Variants in RALGAPA2 observed in about 807,000 individuals in gnomAD.
RALGAPA2 encodes Ral GTPase activating protein catalytic subunit alpha 2.
A neutral mutation model predicts 230.4 loss-of-function variants in RALGAPA2; 139 were observed. That is an observed-to-expected ratio of 0.60 (90% CI 0.53 to 0.69). The LOEUF is 0.69. Among genes scored for constraint, RALGAPA2 ranks in the 30% least tolerant of loss-of-function variants. The pLI is 0.00. For missense variants in RALGAPA2, 2,163 were observed against 2,276.0 expected (o/e 0.95, Z 1.01); for synonymous variants, 847 against 837.8 (o/e 1.01, Z -0.19).
chr20:20,598,624 G>C, intron 16 of RALGAPA2: 1 of 412,536 alleles, frequency 2.4e-6, no homozygotes, highest in South Asian at 1.7e-5. Flanking sequence ...ATGCCCAGAG[G>C]CAAGCGGGAG....
intron 4 of RALGAPA2, among the ~76,000 whole-genome samples, chr20:20,652,867 A>T (rs750630035): frequency 6.6e-6 from 1 of 152,052 alleles, no homozygotes; most frequent in Non-Finnish European, 1.5e-5. Flanking sequence ...AAAGAGAATA[A>T]TTTTCAGTCA....
At chr20:20,578,115 G>T (rs574782999) in intron 20 of RALGAPA2, among the ~76,000 whole-genome samples, 10 of 152,082 alleles carry the variant, frequency 6.6e-5, no homozygotes, top group African/African-American at 9.7e-5. Flanking sequence ...AATTATCAAG[G>T]TACGCTGACT....
At chr20:20,654,782 T>C (rs1167122656) in intron 3 of RALGAPA2, among the ~76,000 whole-genome samples, 1 of 152,208 alleles carries the variant, frequency 6.6e-6, no homozygotes, top group Non-Finnish European at 1.5e-5. Context: ...CTGGGGCATA[T>C]GGTAATTTTA....
intron 31 of RALGAPA2, among the ~76,000 whole-genome samples, chr20:20,517,508 C>T (rs558067765): frequency 3.9e-5 from 6 of 152,248 alleles, no homozygotes; most frequent in Non-Finnish European, 8.8e-5. Context: ...TGGCCTGAAG[C>T]CTGGATCATC....
rs775275375 is a variant in RALGAPA2 at position 20,505,394 on chromosome 20, T to C, written c.5052+17A>G. The C allele has an allele frequency of 3.1e-6, 5 of 1,587,822 alleles. No homozygotes were observed. The highest frequency in any genetic ancestry group is 4.3e-6 in the Non-Finnish European group (5 of 1,167,388). On this transcript the variant is annotated intron_variant, in intron 34 of 39. Transcript: ENST00000202677. ...ACAGTGCTGGTCAATAAACACCTAC[T>C]GAATGAAATGCATTACCTCCCATCC...
rs546693152 is a variant in RALGAPA2 at position 20,489,569 on chromosome 20, A to C, written c.5367+5548T>G. 3.5e-5 allele frequency among the ~76,000 whole-genome samples: 5 copies of C among 143,908 alleles called. No individual in the cohort carries two copies. In the East Asian group the frequency reaches 9.7e-4, roughly 28 times the overall value. 94.4% of individuals were successfully genotyped at this position (143,908 alleles called of 152,430 possible). A position where few individuals can be genotyped will look rare whatever the true frequency, so the allele number is the denominator to read the frequency against. ...GGAGTTGTAATGAAAGTATTCATGA[A>C]AAAAAAAAAAAGAGCAAAAAACCCA... On this transcript the variant is annotated intron_variant, in intron 36 of 39. Transcript: ENST00000202677.
intron 36 of RALGAPA2, among the ~76,000 whole-genome samples, chr20:20,490,893 C>CAG (rs2062035304): frequency 8.0e-5 from 12 of 150,196 alleles, no homozygotes. Context: ...CACACACACA[C>CAG]ACTCACACTC....
intron 2 of RALGAPA2, among the ~76,000 whole-genome samples, chr20:20,677,664 G>A (rs1381746552): frequency 1.6e-5 from 1 of 63,728 alleles, no homozygotes; most frequent in Non-Finnish European, 2.8e-5. Context: ...TTTTTTTTGA[G>A]ATGGAGTCTC....
intron 27 of RALGAPA2, among the ~76,000 whole-genome samples, chr20:20,529,292 A>G (rs2063308731): frequency 6.6e-6 from 1 of 152,066 alleles, no homozygotes; most frequent in Admixed American, 6.6e-5. Context: ...AGGGGGGAGG[A>G]TTCAACAGGA....
At chr20:20,611,634 C>T (rs879374193) in intron 13 of RALGAPA2, among the ~76,000 whole-genome samples, 2 of 152,146 alleles carry the variant, frequency 1.3e-5, no homozygotes, top group Admixed American at 6.5e-5. Flanking sequence ...AAAAACATGC[C>T]TCCCATGTCC....
intron 5 of RALGAPA2, among the ~76,000 whole-genome samples, chr20:20,641,797 C>T (rs207477460): frequency 6.6e-6 from 1 of 152,082 alleles, no homozygotes; most frequent in African/African-American, 2.4e-5. Flanking sequence ...CTGACTCCAC[C>T]AGAGCAAGAA....
intron 4 of RALGAPA2, among the ~76,000 whole-genome samples, chr20:20,649,177 G>A (rs2067313807): frequency 6.6e-6 from 1 of 152,166 alleles, no homozygotes; most frequent in African/African-American, 2.4e-5. Flanking sequence ...ATTTCACCCA[G>A]CCTGGCTGTG....
In RALGAPA2 at chr20:20,616,073, A is replaced by G. The variant is rs1357928750; in HGVS notation, c.1658T>C (p.Ile553Thr). 1 of 1,547,894 alleles carries G rather than the reference A, an allele frequency of 6.5e-7. No homozygotes were observed. The highest frequency in any genetic ancestry group is 8.7e-7 in the Non-Finnish European group (1 of 1,146,146). ...CTTTTTATTCATTGTAAGCTCCATT[A>G]TCATGCGCCTAAAAATAATCAAAAC... ...KAVLIIFRRMIMELTMNKKTW... is the reference protein window; with the variant it reads ...KAVLIIFRRMTMELTMNKKTW... The change falls in exon 13 of 40, where the codon ATA becomes ACA. Residue 553 changes from isoleucine (I) to threonine (T), a missense_variant. Ile to Thr is a moderately conservative substitution (Grantham distance 89, BLOSUM62 -1). Coordinates refer to ENST00000202677, the MANE Select transcript of RALGAPA2 (RefSeq NM_020343.4).
At chr20:20,657,981 A>G (rs912862011) in intron 3 of RALGAPA2, among the ~76,000 whole-genome samples, 20 of 152,218 alleles carry the variant, frequency 1.3e-4, no homozygotes, top group Non-Finnish European at 2.5e-4. Flanking sequence ...TTGTTAGCAC[A>G]CAACAAAGAA....
intron 37 of RALGAPA2, among the ~76,000 whole-genome samples, chr20:20,461,441 C>T (rs968704244): frequency 1.3e-5 from 2 of 152,058 alleles, no homozygotes; most frequent in South Asian, 2.1e-4. Flanking sequence ...ACAGCTAAGC[C>T]GAACTCTCAG....
At chr20:20,596,035 A>G (rs572702314) in intron 16 of RALGAPA2, among the ~76,000 whole-genome samples, 4 of 152,290 alleles carry the variant, frequency 2.6e-5, no homozygotes, top group African/African-American at 9.6e-5. Flanking sequence ...GGAAAAAAAC[A>G]AATAAAAGAA....
chr20:20,563,089 A>C (rs564635624), intron 23 of RALGAPA2, among the ~76,000 whole-genome samples: 14 of 152,332 alleles, frequency 9.2e-5, no homozygotes, highest in African/African-American at 3.4e-4. Context: ...CAATAAGCAC[A>C]AACAGGAATT....
intron 37 of RALGAPA2, among the ~76,000 whole-genome samples, chr20:20,442,102 A>T (rs2060752729): frequency 6.6e-6 from 1 of 152,248 alleles, no homozygotes; most frequent in Admixed American, 6.5e-5. Flanking sequence ...TAAGAGAGTG[A>T]GCACCAAGCC....
At chr20:20,434,413 CACTCTCAG>C (rs1671983467) in intron 37 of RALGAPA2, among the ~76,000 whole-genome samples, 1 of 152,082 alleles carries the variant, frequency 6.6e-6, no homozygotes, top group Non-Finnish European at 1.5e-5. Flanking sequence ...CAAGCAGAAA[CACTCTCAG>C]TCCCCTGTGA....
Sources: allele counts gnomAD v4.1 joint callset (sites outside exome capture counted in the v4.1 genomes callset), GRCh38; gene constraint gnomAD v4.1.1; transcripts MANE v1.5; gene names NCBI Gene and HGNC (gene_info 2026-07-23, HGNC 2026-07-21).